The following PHF24 variants were observed in gnomAD, a reference collection of about 807,000 sequenced individuals.
PHF24 encodes PHD finger protein 24, also known as Galpha inhibitory interacting protein.
PHF24 carries 25 observed loss-of-function variants against 42.6 expected under a neutral mutation model. The ratio of observed to expected loss-of-function variants is 0.59; its 90% CI spans 0.43 to 0.82. The LOEUF is 0.82. Among genes scored for constraint, PHF24 ranks in the 40% least tolerant of loss-of-function variants. PHF24 has a pLI of 0.00. For missense variants in PHF24, 470 were observed against 538.1 expected (o/e 0.87, Z 1.25); for synonymous variants, 185 against 204.8 (o/e 0.90, Z 0.83).
At chr9:34,702,288 A>G in the PHF24 span, among the ~76,000 whole-genome samples, 1 of 152,236 alleles carries the variant, frequency 6.6e-6, no homozygotes, top group Admixed American at 6.5e-5. Context: ...TAGCAGACAG[A>G]GGACTGCTGC....
chr9:34,758,995 C>G, the PHF24 span, among the ~76,000 whole-genome samples: 1 of 152,130 alleles, frequency 6.6e-6, no homozygotes. This position sits in a 1 kb window ranked among gnomAD's most constrained non-coding sequence, Gnocchi z 4.4. Flanking sequence ...CGCATCTCCA[C>G]TCCCCCACTG....
chr9:34,709,931 G>C, the PHF24 span: 15 of 1,614,164 alleles, frequency 9.3e-6, no homozygotes, highest in Non-Finnish European at 1.3e-5. Context: ...GCCAGGGGCT[G>C]CTGGCAAGCT....
the PHF24 span, among the ~76,000 whole-genome samples, chr9:34,673,406 C>T: frequency 6.6e-6 from 1 of 151,376 alleles, no homozygotes; most frequent in African/African-American, 2.4e-5. Context: ...AACAACATTT[C>T]AACCCCTGGA....
chr9:34,979,996 T>A (rs889926792), exon 8 of PHF24: 1 of 152,250 alleles, frequency 6.6e-6, no homozygotes, highest in Admixed American at 6.5e-5. Flanking sequence ...GGTTTTGCAC[T>A]GAGATGAAAG....
chr9:34,772,986 G>A, the PHF24 span, among the ~76,000 whole-genome samples: 12 of 150,588 alleles, frequency 8.0e-5, no homozygotes, highest in African/African-American at 2.9e-4. Context: ...AGCTCTCAGA[G>A]TTCTGTTTTT....
the PHF24 span, chr9:34,726,422 G>C: frequency 6.4e-7 from 1 of 1,550,612 alleles, no homozygotes; most frequent in Middle Eastern, 1.7e-4. Context: ...CAAGGCCATT[G>C]GATGCATCCG....
chr9:34,684,722 C>T, the PHF24 span, among the ~76,000 whole-genome samples: 2 of 152,070 alleles, frequency 1.3e-5, no homozygotes, highest in African/African-American at 2.4e-5. Context: ...ATGAGGTCGA[C>T]GTGGTGATTG....
At chr9:34,832,416 T>G in the PHF24 span, 1 of 1,260,118 alleles carries the variant, frequency 7.9e-7, no homozygotes, top group Non-Finnish European at 1.1e-6. Flanking sequence ...AAGCTTATTG[T>G]CTAGGGACTG....
the PHF24 span, among the ~76,000 whole-genome samples, chr9:34,850,840 T>C: frequency 1.3e-5 from 2 of 152,264 alleles, no homozygotes; most frequent in Non-Finnish European, 2.9e-5. Flanking sequence ...GCTGCAGGTC[T>C]GTTGGAGTTT....
At chr9:34,913,638 A>C in the PHF24 span, among the ~76,000 whole-genome samples, 1 of 152,246 alleles carries the variant, frequency 6.6e-6, no homozygotes, top group Non-Finnish European at 1.5e-5. Context: ...AGCAGGGTTC[A>C]GCAAACCCTG....
At chr9:34,701,019 G>T in the PHF24 span, among the ~76,000 whole-genome samples, 42 of 152,276 alleles carry the variant, frequency 2.8e-4, no homozygotes, top group African/African-American at 9.6e-4. The surrounding 1 kb of genome is among the most constrained non-coding windows in gnomAD (Gnocchi z 5.8). Context: ...AGCGCTACGT[G>T]CTTCGCCTTG....
chr9:34,830,919 TTAA>T, the PHF24 span, among the ~76,000 whole-genome samples: 23 of 152,316 alleles, frequency 1.5e-4, no homozygotes, highest in African/African-American at 5.3e-4. Context: ...AGTATTTCAA[TTAA>T]TAATAACTAT....
the PHF24 span, among the ~76,000 whole-genome samples, chr9:34,755,220 T>G: frequency 6.6e-6 from 1 of 152,230 alleles, no homozygotes; most frequent in Non-Finnish European, 1.5e-5. Flanking sequence ...CTGGATTGTT[T>G]GTAAGACAAA....
the PHF24 span, among the ~76,000 whole-genome samples, chr9:34,885,232 G>A: frequency 6.6e-6 from 1 of 152,188 alleles, no homozygotes; most frequent in Non-Finnish European, 1.5e-5. Flanking sequence ...TCTAGGGACT[G>A]GGCCCCCATC....
chr9:34,711,977 C>T, the PHF24 span, among the ~76,000 whole-genome samples: 2 of 152,056 alleles, frequency 1.3e-5, no homozygotes, highest in Non-Finnish European at 2.9e-5. Context: ...TTCTTTCTCC[C>T]GTTAGCTTTT....
At chr9:34,858,093 A>G in the PHF24 span, among the ~76,000 whole-genome samples, 1 of 148,644 alleles carries the variant, frequency 6.7e-6, no homozygotes, top group Non-Finnish European at 1.5e-5. Context: ...TTATTTATTT[A>G]TCTTTCTTTC....
the PHF24 span, among the ~76,000 whole-genome samples, chr9:34,859,824 G>C: frequency 1.3e-5 from 2 of 152,042 alleles, no homozygotes; most frequent in East Asian, 1.9e-4. Context: ...TACTCTTGCT[G>C]TTGGCATAGG....
At chr9:34,766,434 G>A in the PHF24 span, among the ~76,000 whole-genome samples, 9 of 151,864 alleles carry the variant, frequency 5.9e-5, no homozygotes, top group East Asian at 1.9e-4. Context: ...TTCCCTTCTC[G>A]CTTCATTTCA....
chr9:34,855,987 C>T, the PHF24 span, among the ~76,000 whole-genome samples: 1 of 152,126 alleles, frequency 6.6e-6, no homozygotes, highest in Non-Finnish European at 1.5e-5. Context: ...TTCTTTTTCT[C>T]TATTCTTGTC....
Sources: allele counts gnomAD v4.1 joint callset (sites outside exome capture counted in the v4.1 genomes callset), GRCh38; gene constraint gnomAD v4.1.1; non-coding constraint Gnocchi (gnomAD v3.1); transcripts MANE v1.5; gene names NCBI Gene and HGNC (gene_info 2026-07-23, HGNC 2026-07-21).